Variants in TPRG1 observed in about 807,000 individuals in gnomAD.
The protein encoded by TPRG1 is tumor protein p63 regulated 1, also known as tumor protein p63-regulated gene 1 protein.
A neutral mutation model predicts 29.3 loss-of-function variants in TPRG1; 29 were observed. That is an observed-to-expected ratio of 0.99 (90% confidence interval 0.74 to 1.35). The LOEUF (loss-of-function observed/expected upper bound fraction) is 1.35, where lower values mean the gene tolerates loss of function less well. Among genes scored for constraint, TPRG1 ranks in the 40% most tolerant of loss-of-function variants. The pLI is 0.00. For synonymous variants in TPRG1, 130 were observed against 116.8 expected (o/e 1.11, Z -0.73); for missense variants, 327 against 335.0 (o/e 0.98, Z 0.19).
At chr3:189,271,439 G>A (rs898335671) in intron 4 of TPRG1, among the ~76,000 whole-genome samples, 2 of 152,162 alleles carry the variant, frequency 1.3e-5, no homozygotes, top group Non-Finnish European at 2.9e-5. Flanking sequence ...TTGCCCACAT[G>A]CACATAAAGG....
chr3:189,177,186 T>C (rs1175447758), intron 1 of TPRG1, among the ~76,000 whole-genome samples: 1 of 152,174 alleles, frequency 6.6e-6, no homozygotes, highest in Non-Finnish European at 1.5e-5. Context: ...AAGTCAAGTA[T>C]AACACCACAG....
intron 3 of TPRG1, among the ~76,000 whole-genome samples, chr3:189,007,298 G>C (rs1712344239): frequency 1.3e-5 from 2 of 151,870 alleles, no homozygotes; most frequent in African/African-American, 4.8e-5. Context: ...ATGAAAAAAT[G>C]CTCATCATCA....
intron 4 of TPRG1, among the ~76,000 whole-genome samples, chr3:189,044,607 A>T (rs1714850049): frequency 6.6e-6 from 1 of 152,074 alleles, no homozygotes; most frequent in African/African-American, 2.4e-5. Flanking sequence ...TGTATTTAAT[A>T]TGTAAGGATG....
chr3:189,051,847 G>T (rs994299169), intron 4 of TPRG1, among the ~76,000 whole-genome samples: 1 of 152,142 alleles, frequency 6.6e-6, no homozygotes, highest in African/African-American at 2.4e-5. Flanking sequence ...AGTGGGGAAA[G>T]GACACCCTTT....
intron 4 of TPRG1, among the ~76,000 whole-genome samples, chr3:189,040,038 T>A (rs1325128676): frequency 6.6e-6 from 1 of 152,072 alleles, no homozygotes; most frequent in African/African-American, 2.4e-5. Flanking sequence ...CTTAAGGGAG[T>A]TATGTAAGCT....
At chr3:189,241,163 G>C (rs1009945606) in intron 4 of TPRG1, among the ~76,000 whole-genome samples, 8 of 152,160 alleles carry the variant, frequency 5.3e-5, no homozygotes, top group Admixed American at 3.3e-4. Flanking sequence ...TTTAACCGAT[G>C]AGTATTGTCA....
intron 4 of TPRG1, among the ~76,000 whole-genome samples, chr3:189,255,550 G>A (rs755739920): frequency 5.9e-5 from 9 of 152,154 alleles, no homozygotes; most frequent in African/African-American, 1.9e-4. Context: ...AATGAGTTAG[G>A]GAGAAGTCCG....
At chr3:189,253,124 C>T (rs1426214616) in intron 4 of TPRG1, among the ~76,000 whole-genome samples, 1 of 152,108 alleles carries the variant, frequency 6.6e-6, no homozygotes, top group Non-Finnish European at 1.5e-5. Flanking sequence ...TATACATGTA[C>T]CGTGGTGGTT....
chr3:189,135,226 C>T (rs1430001688), intron 3 of TPRG1, among the ~76,000 whole-genome samples: 2 of 152,296 alleles, frequency 1.3e-5, no homozygotes, highest in East Asian at 3.9e-4. Flanking sequence ...TGGCCTCATC[C>T]AATCCAATGT....
chr3:189,207,944 G>T (rs538670358), intron 2 of TPRG1, among the ~76,000 whole-genome samples: 3 of 152,318 alleles, frequency 2.0e-5, no homozygotes, highest in East Asian at 3.9e-4. Context: ...TCCAGTGAGG[G>T]TATTCATTGT....
At chr3:189,257,374 G>A (rs980385151) in intron 4 of TPRG1, among the ~76,000 whole-genome samples, 16 of 152,174 alleles carry the variant, frequency 1.1e-4, no homozygotes, top group African/African-American at 3.9e-4. Context: ...AGAGAGAGCC[G>A]CTGTTAGTCT....
At chr3:189,112,092 T>C (rs1406119529) in intron 1 of TPRG1, among the ~76,000 whole-genome samples, 2 of 152,200 alleles carry the variant, frequency 1.3e-5, no homozygotes, top group Admixed American at 1.3e-4. Context: ...GTTGATATGA[T>C]GAATTACGCT....
intron 5 of TPRG1, among the ~76,000 whole-genome samples, chr3:189,312,500 TACTA>T (rs1722876282): frequency 6.6e-6 from 1 of 152,198 alleles, no homozygotes; most frequent in African/African-American, 2.4e-5. Context: ...TCAAAATAAA[TACTA>T]ACTGCCTTAG....
intron 1 of TPRG1, among the ~76,000 whole-genome samples, chr3:189,186,382 C>G (rs534179858): frequency 6.6e-5 from 10 of 152,212 alleles, no homozygotes; most frequent in African/African-American, 2.4e-4. Context: ...GCTAATGAAA[C>G]CAGACAGAAA....
chr3:189,008,594 C>CT (rs36027517), intron 3 of TPRG1, among the ~76,000 whole-genome samples: 1 of 151,940 alleles, frequency 6.6e-6, no homozygotes, highest in Non-Finnish European at 1.5e-5. Flanking sequence ...GCTATTCATG[C>CT]TTTTTTTTCC....
chr3:189,122,307 C>A (rs1438910705), intron 1 of TPRG1, among the ~76,000 whole-genome samples: 3 of 152,162 alleles, frequency 2.0e-5, no homozygotes, highest in South Asian at 4.1e-4. Flanking sequence ...TCAGAATGAT[C>A]TCCACAAGAT....
chr3:189,034,907 T>C (rs1215147430), intron 4 of TPRG1, among the ~76,000 whole-genome samples: 1 of 152,178 alleles, frequency 6.6e-6, no homozygotes, highest in Admixed American at 6.5e-5. Context: ...AAATTACCAA[T>C]GTCATTTTCC....
chr3:189,013,232 G>C (rs1712697217), intron 3 of TPRG1, among the ~76,000 whole-genome samples: 1 of 151,918 alleles, frequency 6.6e-6, no homozygotes, highest in African/African-American at 2.4e-5. Flanking sequence ...TGTTCTCACT[G>C]GTTTCAAAAA....
intron 4 of TPRG1, among the ~76,000 whole-genome samples, chr3:189,046,279 G>T (rs1331354181): frequency 6.6e-6 from 1 of 152,218 alleles, no homozygotes; most frequent in Non-Finnish European, 1.5e-5. Flanking sequence ...GACAGAGATT[G>T]TTGGTAAACC....
Sources: allele counts gnomAD v4.1 joint callset (sites outside exome capture counted in the v4.1 genomes callset), GRCh38; gene constraint gnomAD v4.1.1; transcripts MANE v1.5; gene names NCBI Gene and HGNC (gene_info 2026-07-23, HGNC 2026-07-21).